ACTN2: variants seen among roughly 807,000 people sequenced by gnomAD.
ACTN2 encodes actinin alpha 2.
In ACTN2, 39 loss-of-function variants were observed where a neutral mutation model predicts 113.8. The ratio of observed to expected loss-of-function variants is 0.34; its 90% CI spans 0.27 to 0.45. The LOEUF (loss-of-function observed/expected upper bound fraction) is 0.45, where lower values mean the gene tolerates loss of function less well. Among genes scored for constraint, ACTN2 ranks in the 20% least tolerant of loss-of-function variants. ACTN2 has a pLI of 1.00. For missense variants in ACTN2, 992 were observed against 1,177.9 expected, an observed-to-expected ratio of 0.84 and a Z score of 2.31; for synonymous variants, 429 against 444.1, an observed-to-expected ratio of 0.97 and a Z score of 0.43.
At chr1:236,749,000 A>T in intron 13 of ACTN2, 124 bp from the exon 14 acceptor site, 1 of 1,114,532 alleles carries the variant, frequency 9.0e-7, no homozygotes, top group Non-Finnish European at 1.3e-6. Flanking sequence ...AATCTTTTGT[A>T]GACACATGCT....
chr1:236,729,336 A>C (rs1304226557), intron 6 of ACTN2, among the ~76,000 whole-genome samples: 1 of 152,190 alleles, frequency 6.6e-6, no homozygotes, highest in African/African-American at 2.4e-5. Flanking sequence ...AAAAGAAAAG[A>C]AAAGAAAGAA....
intron 1 of ACTN2, among the ~76,000 whole-genome samples, chr1:236,713,226 C>CT (rs60295974): frequency 0.24 from 33,895 of 143,932 alleles, 3,997 homozygotes; most frequent in East Asian, 0.31. Flanking sequence ...GTTCTTTTTT[C>CT]TTTTTTTTTT....
intron 15 of ACTN2, among the ~76,000 whole-genome samples, chr1:236,752,152 T>C (rs1659414643): frequency 6.6e-6 from 1 of 152,228 alleles, no homozygotes; most frequent in South Asian, 2.1e-4. Flanking sequence ...TCGACAAATG[T>C]AATTATGGTC....
intron 6 of ACTN2, 152 bp downstream of exon 6, chr1:236,727,908 C>T (rs1202093934): frequency 5.3e-6 from 4 of 751,696 alleles, no homozygotes; most frequent in Non-Finnish European, 9.3e-6. Context: ...CTAGCCTTTC[C>T]CATGATCCAA....
intron 10 of ACTN2, among the ~76,000 whole-genome samples, chr1:236,741,294 C>T (rs1172268421): frequency 6.6e-6 from 1 of 152,188 alleles, no homozygotes; most frequent in African/African-American, 2.4e-5. Context: ...CCCACCTCAG[C>T]CTCCCAAAGT....
intron 1 of ACTN2, among the ~76,000 whole-genome samples, chr1:236,701,504 C>T (rs996485107): frequency 6.6e-6 from 1 of 152,260 alleles, no homozygotes; most frequent in East Asian, 1.9e-4. Flanking sequence ...GCCACCAGCC[C>T]GGCTGAGTCC....
intron 8 of ACTN2, chr1:236,736,539 T>C: frequency 6.9e-7 from 1 of 1,439,198 alleles, no homozygotes; most frequent in East Asian, 2.5e-5. Context: ...GTGTATTACC[T>C]CAATGACTTC....
In ACTN2 at chr1:236,686,571, G is replaced by GC. The variant is rs901340700; in HGVS notation, c.-102dup. ...AGAGGAGCCGCGCGAAGGTCACCCC[G>GC]CGCCCGCCGCCCGCCGCCCGCCGCC... On this transcript the variant is annotated 5_prime_UTR_variant, in exon 1 of 21. Coordinates refer to ENST00000366578, the MANE Select transcript of ACTN2 (RefSeq NM_001103.4). 1 of 1,311,804 alleles carries GC rather than the reference G, an allele frequency of 7.6e-7. No homozygotes were observed. The highest frequency in any genetic ancestry group is 1.6e-5 in the African/African-American group (1 of 62,698). 81.3% of individuals were successfully genotyped at this position (1,311,804 alleles called of 1,614,324 possible). A position where few individuals can be genotyped will look rare whatever the true frequency, so the allele number is the denominator to read the frequency against.
intron 1 of ACTN2, among the ~76,000 whole-genome samples, chr1:236,716,915 A>G (rs112398292): frequency 0.058 from 8,279 of 141,964 alleles, 293 homozygotes; most frequent in Middle Eastern, 0.13. Flanking sequence ...GCTTGCTGCA[A>G]CCTCCGCCTC....
At chr1:236,720,399 T>A (rs961479004) in intron 4 of ACTN2, among the ~76,000 whole-genome samples, 2 of 152,204 alleles carry the variant, frequency 1.3e-5, no homozygotes, top group Non-Finnish European at 2.9e-5. Context: ...TTGCAAAAGA[T>A]GAGCACATGT....
intron 1 of ACTN2, among the ~76,000 whole-genome samples, chr1:236,710,471 G>C (rs574808360): frequency 1.3e-3 from 198 of 152,320 alleles, no homozygotes; most frequent in Admixed American, 3.9e-3. Flanking sequence ...TTGCTAGCAA[G>C]TCCTCCAAGC....
At chr1:236,692,583 T>G (rs370400428) in intron 1 of ACTN2, among the ~76,000 whole-genome samples, 4 of 152,176 alleles carry the variant, frequency 2.6e-5, no homozygotes, top group African/African-American at 9.7e-5. Context: ...GGCAGGGTCT[T>G]GTGTGGGCAC....
chr1:236,686,844 C>T (rs1411787841), intron 1 of ACTN2, 45 bp downstream of exon 1: 2 of 1,364,038 alleles, frequency 1.5e-6, no homozygotes, highest in East Asian at 3.2e-5. Context: ...GGGGCCGGGT[C>T]CCCCGCGGGG....
chr1:236,733,231 G>A (rs1048415774), intron 7 of ACTN2, among the ~76,000 whole-genome samples: 1 of 152,282 alleles, frequency 6.6e-6, no homozygotes, highest in Non-Finnish European at 1.5e-5. Context: ...ACTAAAGAGA[G>A]GAGAAAATAG....
chr1:236,749,527 T>G (rs561149329), intron 14 of ACTN2, among the ~76,000 whole-genome samples: 1 of 152,262 alleles, frequency 6.6e-6, no homozygotes, highest in African/African-American at 2.4e-5. Flanking sequence ...CTGGGCGCAG[T>G]GGTTCATGCT....
intron 1 of ACTN2, among the ~76,000 whole-genome samples, chr1:236,700,252 G>A (rs982646364): frequency 3.3e-5 from 5 of 151,960 alleles, no homozygotes; most frequent in East Asian, 3.9e-4. Flanking sequence ...GCACCATCTC[G>A]GCTCACTGCA....
intron 1 of ACTN2, among the ~76,000 whole-genome samples, chr1:236,688,050 C>T (rs1015532389): frequency 3.9e-5 from 6 of 152,156 alleles, no homozygotes; most frequent in Non-Finnish European, 7.3e-5. Flanking sequence ...AAACTTCAAG[C>T]CGTCTACTAT....
At chr1:236,752,143 C>G (rs758979475) in intron 15 of ACTN2, among the ~76,000 whole-genome samples, 2 of 152,164 alleles carry the variant, frequency 1.3e-5, no homozygotes, top group South Asian at 2.1e-4. Flanking sequence ...GGGCAACTAT[C>G]GACAAATGTA....
chr1:236,747,077 G>A (rs566279229), intron 12 of ACTN2, among the ~76,000 whole-genome samples: 1 of 152,312 alleles, frequency 6.6e-6, no homozygotes, highest in African/African-American at 2.4e-5. Context: ...GTCAGAGAGT[G>A]ATGTCTTCCG....
Sources: allele counts gnomAD v4.1 joint callset (sites outside exome capture counted in the v4.1 genomes callset), GRCh38; gene constraint gnomAD v4.1.1; transcripts MANE v1.5; gene names NCBI Gene and HGNC (gene_info 2026-07-23, HGNC 2026-07-21).